Variants in RPS6KA5 observed in about 807,000 individuals in gnomAD.
The protein encoded by RPS6KA5 is ribosomal protein S6 kinase A5.
In RPS6KA5, 27 loss-of-function variants were observed where a neutral mutation model predicts 85.5. The ratio of observed to expected loss-of-function variants is 0.32; its 90% CI spans 0.23 to 0.44. RPS6KA5 has a LOEUF of 0.44. RPS6KA5 is among the 20% of genes least tolerant of loss of function. RPS6KA5 has a pLI of 1.00. For synonymous variants in RPS6KA5, 334 were observed against 348.2 expected, an observed-to-expected ratio of 0.96 and a Z score of 0.46; for missense variants, 811 against 980.9, an observed-to-expected ratio of 0.83 and a Z score of 2.31.
Position 90,863,400 on chromosome 14 carries a change from G to T in RPS6KA5, c.*8674C>A, listed in dbSNP as rs1021913812. ...TGAATTCTTATTCTGAGTTGAAGAA[G>T]TTTAAGGAGTCCATTGTCATTACTT... On this transcript the variant is annotated 3_prime_UTR_variant, in exon 17 of 17. Coordinates refer to ENST00000614987, the MANE Select transcript of RPS6KA5 (RefSeq NM_004755.4). The T allele has an allele frequency of 6.8e-6, 1 of 147,966 alleles. No homozygotes were observed. Among genetic ancestry groups the T allele is most frequent in the Non-Finnish European group, 1.5e-5 (1 of 67,210 alleles). The allele number at this position is 147,966 out of a possible 1,614,324, so 9.2% of individuals were successfully genotyped here. A position where few individuals can be genotyped will look rare whatever the true frequency, so the allele number is the denominator to read the frequency against.
At chr14:90,903,550 T>C (rs2035309008) in intron 8 of RPS6KA5, among the ~76,000 whole-genome samples, 1 of 152,206 alleles carries the variant, frequency 6.6e-6, no homozygotes, top group African/African-American at 2.4e-5. Context: ...CTTTTCTTAT[T>C]CAACTGTGTT....
intron 13 of RPS6KA5, among the ~76,000 whole-genome samples, chr14:90,893,741 AT>A (rs1159080423): frequency 1.3e-5 from 2 of 151,954 alleles, no homozygotes; most frequent in African/African-American, 4.8e-5. Flanking sequence ...TCGTTTTTCA[AT>A]TTTCATTATT....
chr14:91,001,136 T>C lies in RPS6KA5; in HGVS notation c.127A>G (p.Lys43Glu). 1 of 1,601,880 alleles carries C rather than the reference T, an allele frequency of 6.2e-7. No individual in the cohort carries two copies. The highest frequency in any genetic ancestry group is 1.7e-5 in the Admixed American group (1 of 58,650). The stretch of plus-strand genomic sequence containing the variant: ...AGCTCAAAATTTTCTATTCCCACCT[T>C]CTCAGCATGTCCTGTCAAATTAGCT... ...RTANLTGHAEKVGIENFELLK... is the reference protein window; with the variant it reads ...RTANLTGHAEEVGIENFELLK... The change falls in exon 2 of 17, where the codon AAG becomes GAG. Residue 43 changes from lysine (K) to glutamate (E), a missense_variant. Transcript: ENST00000614987.
At chr14:90,891,103 T>C (rs1290153966) in intron 13 of RPS6KA5, among the ~76,000 whole-genome samples, 2 of 151,930 alleles carry the variant, frequency 1.3e-5, no homozygotes, top group African/African-American at 2.4e-5. Flanking sequence ...ACCACCTCTG[T>C]ATTGCTAGCT....
intron 11 of RPS6KA5, among the ~76,000 whole-genome samples, 184 bp downstream of exon 11, chr14:90,899,924 T>C (rs1450502512): frequency 6.6e-6 from 1 of 152,234 alleles, no homozygotes; most frequent in African/African-American, 2.4e-5. Flanking sequence ...CTAAAATGGA[T>C]TACTTTATCA....
At chr14:90,943,328 G>A (rs572764558) in intron 4 of RPS6KA5, 143 bp from the exon 5 acceptor site, 138 of 569,854 alleles carry the variant, frequency 2.4e-4, no homozygotes, top group African/African-American at 2.1e-3. Context: ...TTGGTGATTG[G>A]TCAGGGAAAA....
At chr14:91,025,422 A>G (rs933149971) in intron 1 of RPS6KA5, among the ~76,000 whole-genome samples, 4 of 152,176 alleles carry the variant, frequency 2.6e-5, no homozygotes, top group African/African-American at 7.2e-5. Flanking sequence ...GAAGAGCCCT[A>G]TGAAATTTGG....
intron 1 of RPS6KA5, among the ~76,000 whole-genome samples, chr14:91,055,347 T>C (rs1327197719): frequency 6.6e-6 from 1 of 152,224 alleles, no homozygotes; most frequent in Non-Finnish European, 1.5e-5. Flanking sequence ...AAAGCAGCAT[T>C]ATTTACAATA....
At chr14:90,878,900 T>C (rs1940610113) in intron 14 of RPS6KA5, among the ~76,000 whole-genome samples, 1 of 152,330 alleles carries the variant, frequency 6.6e-6, no homozygotes, top group Middle Eastern at 3.4e-3. Flanking sequence ...TCCTGCCAAT[T>C]AGCAGGAAGC....
Position 90,867,044 on chromosome 14 carries a change from A to C in RPS6KA5, c.*5030T>G, listed in dbSNP as rs1305502728. The C allele has an allele frequency of 6.6e-6, 1 of 152,202 alleles. No individual in the cohort carries two copies. Among genetic ancestry groups the C allele is most frequent in the Non-Finnish European group, 1.5e-5 (1 of 68,022 alleles). 9.4% of individuals were successfully genotyped at this position (152,202 alleles called of 1,614,324 possible). On this transcript the variant is annotated 3_prime_UTR_variant, in exon 17 of 17. Coordinates refer to ENST00000614987, the MANE Select transcript of RPS6KA5 (RefSeq NM_004755.4). ...ATTCCAACATAGCAGTGCACATTTC[A>C]CATGACCAGCCTCTTATGTAGTTAA... is the stretch of plus-strand genomic sequence containing the variant.
At chr14:91,057,886 C>T (rs182283803) in intron 1 of RPS6KA5, among the ~76,000 whole-genome samples, 4 of 152,260 alleles carry the variant, frequency 2.6e-5, no homozygotes, top group South Asian at 2.1e-4. Flanking sequence ...AGTGACTTGC[C>T]GATGTCTACA....
intron 14 of RPS6KA5, among the ~76,000 whole-genome samples, chr14:90,884,289 A>G (rs1333797680): frequency 6.6e-6 from 1 of 152,152 alleles, no homozygotes; most frequent in African/African-American, 2.4e-5. Flanking sequence ...CTGTAAGTTG[A>G]GCATCCCTAA....
At position 90,875,339 on chromosome 14, in the gene RPS6KA5, C is replaced by A; in HGVS notation, c.1858G>T (p.Val620Phe). ...VILYTMLSGQVPFQSHDRSLT... is the reference protein window; with the variant it reads ...VILYTMLSGQFPFQSHDRSLT... ...CTTCGGTCATGAGATTGGAAGGGAA[C>A]CTGTCCTGACAACATTGTGTACTAT... Residue 620 changes from valine (V) to phenylalanine (F), a missense_variant, in exon 15 of 17, where the codon GTT (valine) becomes TTT (phenylalanine). Coordinates refer to ENST00000614987, the MANE Select transcript of RPS6KA5 (RefSeq NM_004755.4). The A allele has an allele frequency of 6.2e-7, 1 of 1,613,750 alleles. No homozygotes were observed.
At chr14:90,896,634 G>A (rs906588542) in intron 12 of RPS6KA5, among the ~76,000 whole-genome samples, 3 of 152,144 alleles carry the variant, frequency 2.0e-5, no homozygotes, top group Non-Finnish European at 4.4e-5. Flanking sequence ...GGAAATGTTG[G>A]GGGGTGTCTA....
At chr14:91,006,733 T>C (rs1247661751) in intron 1 of RPS6KA5, among the ~76,000 whole-genome samples, 1 of 151,620 alleles carries the variant, frequency 6.6e-6, no homozygotes, top group East Asian at 1.9e-4. Context: ...CATTCTAACC[T>C]TTTTTTTTAT....
chr14:90,875,457 T>C, intron 14 of RPS6KA5, 97 bp from the exon 15 acceptor site: 1 of 1,059,600 alleles, frequency 9.4e-7, no homozygotes. Context: ...AATTTACCAA[T>C]TGCTACAACT....
At chr14:91,030,611 G>GACA (rs2042146921) in intron 1 of RPS6KA5, among the ~76,000 whole-genome samples, 1 of 22,024 alleles carries the variant, frequency 4.5e-5, no homozygotes, top group Non-Finnish European at 9.1e-5. Flanking sequence ...AAAATAAACA[G>GACA]AAAAAAAAAA....
intron 1 of RPS6KA5, among the ~76,000 whole-genome samples, chr14:91,024,902 G>A (rs8019494): frequency 0.15 from 22,851 of 151,656 alleles, 1,866 homozygotes; most frequent in East Asian, 0.31. Context: ...TTTTTTTTGA[G>A]ACCAAGTCTC....
intron 5 of RPS6KA5, among the ~76,000 whole-genome samples, chr14:90,935,417 A>C (rs1485004941): frequency 6.6e-6 from 1 of 152,206 alleles, no homozygotes; most frequent in African/African-American, 2.4e-5. Context: ...ATACTTTAGA[A>C]AGTACTTTCA....
Sources: allele counts gnomAD v4.1 joint callset (sites outside exome capture counted in the v4.1 genomes callset), GRCh38; gene constraint gnomAD v4.1.1; transcripts MANE v1.5; gene names NCBI Gene and HGNC (gene_info 2026-07-23, HGNC 2026-07-21).